ATF6: variants seen among roughly 807,000 people sequenced by gnomAD.
ATF6 encodes activating transcription factor 6.
A neutral mutation model predicts 83.6 loss-of-function variants in ATF6; 53 were observed. That is an observed-to-expected ratio of 0.63 (90% CI 0.51 to 0.80). The LOEUF is 0.80. Among genes scored for constraint, ATF6 ranks in the 30% least tolerant of loss-of-function variants. The pLI, the probability that ATF6 is intolerant of heterozygous loss-of-function variation, is 0.00. For synonymous variants in ATF6, 288 were observed against 285.8 expected, an observed-to-expected ratio of 1.01 and a Z score of -0.08; for missense variants, 744 against 797.9, an observed-to-expected ratio of 0.93 and a Z score of 0.81.
At chr1:161,895,825 A>G (rs1417791903) in intron 14 of ATF6, among the ~76,000 whole-genome samples, 1 of 152,234 alleles carries the variant, frequency 6.6e-6, no homozygotes, top group Non-Finnish European at 1.5e-5. Flanking sequence ...TACTGATTAG[A>G]TGAACTGTTT....
At chr1:161,801,724 G>A (rs1685153646) in intron 6 of ATF6, among the ~76,000 whole-genome samples, 1 of 152,098 alleles carries the variant, frequency 6.6e-6, no homozygotes, top group South Asian at 2.1e-4. Flanking sequence ...AATCCTTTTA[G>A]CACTAATAAA....
At chr1:161,861,854 C>T (rs559055013) in intron 13 of ATF6, among the ~76,000 whole-genome samples, 1 of 152,214 alleles carries the variant, frequency 6.6e-6, no homozygotes, top group Non-Finnish European at 1.5e-5. Flanking sequence ...TGAAATGGCC[C>T]CGAGGCATAT....
intron 14 of ATF6, among the ~76,000 whole-genome samples, chr1:161,880,269 G>T (rs1687293990): frequency 1.3e-5 from 2 of 151,666 alleles, no homozygotes; most frequent in Admixed American, 6.6e-5. Context: ...CTTTATTGAG[G>T]TATAATTGAC....
intron 14 of ATF6, among the ~76,000 whole-genome samples, chr1:161,885,932 T>A (rs1687409169): frequency 6.6e-6 from 1 of 152,248 alleles, no homozygotes; most frequent in Admixed American, 6.5e-5. Flanking sequence ...AAGCATTTAG[T>A]GTCCTAGCTG....
intron 14 of ATF6, among the ~76,000 whole-genome samples, chr1:161,884,502 T>C (rs1196148101): frequency 6.6e-6 from 1 of 152,130 alleles, no homozygotes; most frequent in African/African-American, 2.4e-5. Context: ...TCTGAATAAT[T>C]ACCTTACTTT....
At chr1:161,912,702 G>C (rs186535437) in intron 15 of ATF6, among the ~76,000 whole-genome samples, 1 of 152,130 alleles carries the variant, frequency 6.6e-6, no homozygotes, top group African/African-American at 2.4e-5. Flanking sequence ...TTCTGACAGT[G>C]AATTTGTAAA....
chr1:161,812,627 C>T (rs1367045068), intron 7 of ATF6, among the ~76,000 whole-genome samples: 1 of 151,692 alleles, frequency 6.6e-6, no homozygotes, highest in African/African-American at 2.4e-5. Context: ...CTCCTGACCT[C>T]GTGATCCACC....
At chr1:161,866,109 C>G (rs1172589134) in intron 14 of ATF6, among the ~76,000 whole-genome samples, 1 of 152,146 alleles carries the variant, frequency 6.6e-6, no homozygotes, top group East Asian at 1.9e-4. Context: ...ATAATTGATA[C>G]TACATTGGAA....
At chr1:161,907,549 T>G (rs753871285) in intron 14 of ATF6, among the ~76,000 whole-genome samples, 2 of 152,218 alleles carry the variant, frequency 1.3e-5, no homozygotes, top group African/African-American at 4.8e-5. Context: ...AGCCTGAGTT[T>G]CATTCATTTC....
chr1:161,856,534 A>G (rs1354237819), intron 12 of ATF6, among the ~76,000 whole-genome samples: 1 of 152,206 alleles, frequency 6.6e-6, no homozygotes, highest in Non-Finnish European at 1.5e-5. Flanking sequence ...TCTTATTGGC[A>G]GAATCTAAAT....
In ATF6 at chr1:161,820,202, A is replaced by G. The variant is rs17408026; in HGVS notation, c.1095+384A>G. 9.9e-3 allele frequency among the ~76,000 whole-genome samples: 1,506 copies of G among 152,252 alleles called. 8 individuals carry two copies. The highest frequency in any genetic ancestry group is 0.017 in the South Asian group (84 of 4,814). Reference sequence around the variant, plus strand: ...ACCTAACAACTAATGTGATTTTTGCATTCTGTTACTATGCTGACTCCAAGA... The same window carrying G: ...ACCTAACAACTAATGTGATTTTTGCGTTCTGTTACTATGCTGACTCCAAGA... On this transcript the variant is annotated intron_variant, in intron 8 of 15. Transcript: ENST00000367942.
intron 14 of ATF6, among the ~76,000 whole-genome samples, chr1:161,908,186 T>C (rs1277274711): frequency 6.6e-6 from 1 of 152,190 alleles, no homozygotes; most frequent in African/African-American, 2.4e-5. Flanking sequence ...GGTCATTTAA[T>C]CAGTCTGTAC....
chr1:161,873,123 A>G (rs2101850231), intron 14 of ATF6, among the ~76,000 whole-genome samples: 1 of 151,724 alleles, frequency 6.6e-6, no homozygotes, highest in East Asian at 1.9e-4. Context: ...GAAAAATAAA[A>G]GAGCGTATGG....
At chr1:161,820,055 C>T (rs940361941) in intron 8 of ATF6, among the ~76,000 whole-genome samples, 4 of 152,212 alleles carry the variant, frequency 2.6e-5, no homozygotes, top group Non-Finnish European at 5.9e-5. Flanking sequence ...TCTCCTCATT[C>T]ATTGCCTTAG....
At chr1:161,793,155 G>A (rs751849729) in intron 6 of ATF6, among the ~76,000 whole-genome samples, 2 of 152,182 alleles carry the variant, frequency 1.3e-5, no homozygotes, top group East Asian at 1.9e-4. Context: ...TAGGTAGCTC[G>A]TTTTTTGGAG....
chr1:161,781,355 A>G (rs1482951600), intron 2 of ATF6, among the ~76,000 whole-genome samples: 1 of 152,180 alleles, frequency 6.6e-6, no homozygotes, highest in Non-Finnish European at 1.5e-5. Context: ...TTTAAGAAGT[A>G]TAGAACTGTA....
At chr1:161,899,671 G>A (rs749115847) in intron 14 of ATF6, among the ~76,000 whole-genome samples, 10 of 152,126 alleles carry the variant, frequency 6.6e-5, no homozygotes, top group Non-Finnish European at 1.3e-4. Context: ...TTTAAATAAA[G>A]TAAGTGTAGT....
At chr1:161,953,375 G>A (rs1177596129) in intron 15 of ATF6, among the ~76,000 whole-genome samples, 3 of 152,142 alleles carry the variant, frequency 2.0e-5, no homozygotes, top group Non-Finnish European at 2.9e-5. Context: ...CACTTAGAGT[G>A]CCTGGAAGGT....
Position 161,958,757 on chromosome 1 carries a change from C to G in ATF6, c.*103C>G. 1.0e-6 allele frequency: 1 copy of G among 954,214 alleles called. No individual in the cohort carries two copies. The highest frequency in any genetic ancestry group is 1.8e-5 in the South Asian group (1 of 54,460). The allele number at this position is 954,214 out of a possible 1,614,324, so 59.1% of individuals were successfully genotyped here. On this transcript the variant is annotated 3_prime_UTR_variant, in exon 16 of 16. Transcript: ENST00000367942. ...GCCTTGGTGGCAGGCAGAGAACTGT[C>G]TCGTACTAGAATTCAAGGAGGAAAG...
Sources: gnomAD v4.1 joint callset for allele counts (sites outside exome capture counted in the v4.1 genomes callset) on GRCh38, gnomAD v4.1.1 for gene constraint, MANE v1.5 for transcripts, NCBI Gene and HGNC (gene_info 2026-07-23, HGNC 2026-07-21) for gene names.